ZKSCAN5: variants seen among roughly 807,000 people sequenced by gnomAD.
The protein encoded by ZKSCAN5 is zinc finger protein with KRAB and SCAN domains 5.
A neutral mutation model predicts 60.0 loss-of-function variants in ZKSCAN5; 28 were observed. The observed-to-expected ratio is 0.47, with a 90% CI of 0.35 to 0.64. The LOEUF (loss-of-function observed/expected upper bound fraction) is 0.64, where lower values mean the gene tolerates loss of function less well. ZKSCAN5 is among the 30% of genes least tolerant of loss of function. The probability of loss-of-function intolerance (pLI) is 0.01; values close to 1 mark genes in which losing one functional copy is unlikely to be tolerated. For missense variants in ZKSCAN5, 881 were observed against 1,034.6 expected, an observed-to-expected ratio of 0.85 and a Z score of 2.04; for synonymous variants, 361 against 371.2, an observed-to-expected ratio of 0.97 and a Z score of 0.31.
At chr7:99,516,878 G>A (rs772202334) in intron 3 of ZKSCAN5, among the ~76,000 whole-genome samples, 63 of 152,202 alleles carry the variant, frequency 4.1e-4, no homozygotes, top group Non-Finnish European at 6.2e-4. Flanking sequence ...GTCACCTTTC[G>A]TCATGGCACT....
At chr7:99,506,490 A>G in intron 2 of ZKSCAN5, 32 bp downstream of exon 2, 4 of 1,577,608 alleles carry the variant, frequency 2.5e-6, no homozygotes, top group African/African-American at 1.3e-5. Flanking sequence ...TGAGCAATGA[A>G]GGAGAGGAGT....
intron 5 of ZKSCAN5, 76 bp from the exon 6 acceptor site, chr7:99,525,737 T>A: frequency 2.0e-6 from 3 of 1,524,630 alleles, no homozygotes; most frequent in Non-Finnish European, 2.6e-6. Context: ...TGTCAGTTTC[T>A]CTTCATTATC....
In ZKSCAN5 at chr7:99,506,165, T is replaced by G. The variant is rs1800717242; in HGVS notation, c.121T>G (p.Tyr41Asp). The G allele has an allele frequency of 6.2e-7, 1 of 1,613,902 alleles. No homozygotes were observed. The highest frequency in any genetic ancestry group is 8.5e-7 in the Non-Finnish European group (1 of 1,180,016). Residue 41 changes from tyrosine (Y) to aspartate (D), a missense_variant, in exon 2 of 7, where the codon TAC becomes GAC. Physicochemically the swap from Tyr to Asp is radical, Grantham distance 160. Coordinates refer to ENST00000326775, the MANE Select transcript of ZKSCAN5 (RefSeq NM_145102.4). ...AGAAGACTGCACCTGGATGCAGGAG[T>G]ACAACCCGCCAACGTTTGAGACTTT... ...EEEDCTWMQE[Y>D]NPPTFETFYQ...
chr7:99,517,001 A>C (rs765878574), intron 3 of ZKSCAN5, among the ~76,000 whole-genome samples: 1 of 152,220 alleles, frequency 6.6e-6, no homozygotes, highest in Non-Finnish European at 1.5e-5. Context: ...TGTGCCACAC[A>C]TAAAATACAC....
At chr7:99,520,070 G>C in intron 4 of ZKSCAN5, 99 bp from the exon 5 acceptor site, 1 of 1,538,846 alleles carries the variant, frequency 6.5e-7, no homozygotes, top group Non-Finnish European at 8.8e-7. Flanking sequence ...TTGAGGCACA[G>C]TTCCTCCCCC....
intron 6 of ZKSCAN5, 33 bp from the exon 7 acceptor site, chr7:99,531,075 A>T: frequency 2.6e-6 from 4 of 1,528,384 alleles, no homozygotes; most frequent in Non-Finnish European, 1.8e-6. Context: ...AAAAGAACTG[A>T]TGACATTTTC....
chr7:99,507,587 G>A (rs1449621954), intron 2 of ZKSCAN5, among the ~76,000 whole-genome samples: 1 of 146,242 alleles, frequency 6.8e-6, no homozygotes, highest in Non-Finnish European at 1.5e-5. Flanking sequence ...GTATATTTAT[G>A]TGTGTGTGTA....
intron 2 of ZKSCAN5, among the ~76,000 whole-genome samples, chr7:99,506,988 G>A (rs1257005701): frequency 6.6e-6 from 1 of 151,806 alleles, no homozygotes; most frequent in East Asian, 1.9e-4. Context: ...GAGCCACCAT[G>A]CCCGGCCACT....
intron 2 of ZKSCAN5, among the ~76,000 whole-genome samples, chr7:99,507,043 A>G (rs943446017): frequency 6.6e-6 from 1 of 152,116 alleles, no homozygotes; most frequent in Non-Finnish European, 1.5e-5. Flanking sequence ...AAAGAGGTAC[A>G]TAAGGTTGTA....
chr7:99,523,375 A>G (rs1300129557), intron 5 of ZKSCAN5, among the ~76,000 whole-genome samples: 1 of 151,978 alleles, frequency 6.6e-6, no homozygotes, highest in East Asian at 1.9e-4. Flanking sequence ...TAATCTCAGC[A>G]CTTTGGGAGG....
Position 99,514,865 on chromosome 7 carries a change from C to T in ZKSCAN5, c.553+2274C>T, listed in dbSNP as rs368920681. 7.3e-5 allele frequency among the ~76,000 whole-genome samples: 11 copies of T among 150,994 alleles called. 1 individual carries two copies. The East Asian group carries it at 1.8e-3, about 24-fold the overall frequency. ...GTTGGAGGTTGCAGTGAGCTGAGAT[C>T]GCACCACTGCACTCCAGCCTGGGTG... On this transcript the variant is annotated intron_variant, in intron 3 of 6. Coordinates refer to ENST00000326775, the MANE Select transcript of ZKSCAN5 (RefSeq NM_145102.4).
At chr7:99,515,267 C>T (rs981419257) in intron 3 of ZKSCAN5, among the ~76,000 whole-genome samples, 1 of 150,956 alleles carries the variant, frequency 6.6e-6, no homozygotes, top group Non-Finnish European at 1.5e-5. Context: ...ATTATCCAGG[C>T]GTGGTGGTAC....
At position 99,531,804 on chromosome 7, in the gene ZKSCAN5, G is replaced by A. The variant is rs1285123279; in HGVS notation, c.2075G>A (p.Gly692Asp). 3 of 1,614,154 alleles carry A rather than the reference G, an allele frequency of 1.9e-6. No homozygotes were observed. Among genetic ancestry groups the A allele is most frequent in the Admixed American group, 3.3e-5 (2 of 60,010 alleles). ...ATGGGTCAGAAAAATGAAAAAAATG[G>A]CATCTGTGAGGAAGCATATAGTTGG... ...LHMGQKNEKN[G>D]ICEEAYSWNL... Residue 692 changes from glycine to aspartate, a missense_variant, in exon 7 of 7, where the codon GGC (glycine) becomes GAC (aspartate). This residue lies in a region of ZKSCAN5 where 112 missense variants were observed against 182.4 expected (regional missense o/e 0.61). Transcript: ENST00000326775.
At position 99,531,282 on chromosome 7, in the gene ZKSCAN5, T is replaced by C. The variant is rs774145245; in HGVS notation, c.1553T>C (p.Met518Thr). ...CTGGATAGAAAGCAGGGAATTCCCA[T>C]GAAAGAGATACTAGGACAACCATCT... ...GKLDRKQGIPMKEILGQPSSK... is the reference protein window; with the variant it reads ...GKLDRKQGIPTKEILGQPSSK... The change falls in exon 7 of 7, where the codon ATG becomes ACG. Residue 518 changes from methionine (M) to threonine (T), a missense_variant. Transcript: ENST00000326775. 2 of 1,614,078 alleles carry C rather than the reference T, an allele frequency of 1.2e-6. No homozygotes were observed. The highest frequency in any genetic ancestry group is 3.3e-5 in the Admixed American group (2 of 60,002).
chr7:99,513,218 C>T (rs187650196), intron 3 of ZKSCAN5, among the ~76,000 whole-genome samples: 1 of 152,048 alleles, frequency 6.6e-6, no homozygotes, highest in Non-Finnish European at 1.5e-5. Flanking sequence ...TTAATCCAGT[C>T]TATCATTGTT....
chr7:99,526,032 T>C lies in ZKSCAN5; in HGVS notation c.992T>C (p.Ile331Thr). Reference sequence around the variant, plus strand: ...TCCCAGAAAAGGGATCTGGATGCAATCACAGACATCAGCCCTAAGCAAAGC... The same window carrying C: ...TCCCAGAAAAGGGATCTGGATGCAACCACAGACATCAGCCCTAAGCAAAGC... ...NPSQKRDLDA[I>T]TDISPKQSTH... The change falls in exon 6 of 7, where the codon ATC (isoleucine) becomes ACC (threonine). Residue 331 changes from isoleucine (I) to threonine (T), a missense_variant. By Grantham distance (89) the Ile-to-Thr change is moderately conservative (BLOSUM62 -1). Around this residue, in one of 5 missense-constraint regions of ZKSCAN5, gnomAD observed 490 missense variants for 554.5 expected, o/e 0.88. Coordinates refer to ENST00000326775, the MANE Select transcript of ZKSCAN5 (RefSeq NM_145102.4). The C allele has an allele frequency of 6.2e-7, 1 of 1,614,078 alleles. No homozygotes were observed. The highest frequency in any genetic ancestry group is 8.5e-7 in the Non-Finnish European group (1 of 1,180,034).
rs182996761 is a variant in ZKSCAN5 at position 99,512,666 on chromosome 7, C to T, written c.553+75C>T. On this transcript the variant is annotated intron_variant, in intron 3 of 6. Transcript: ENST00000326775. ...TTGGCCATGTGGCAGGCACTATCTG[C>T]GGGAGAGAGACTCTAGGCTGAGCAG... 361 of 1,532,254 alleles carry T rather than the reference C, an allele frequency of 2.4e-4. 1 individual carries two copies. The East Asian group carries it at 6.6e-3, about 28-fold the overall frequency. The allele number at this position is 1,532,254 out of a possible 1,614,324, so 94.9% of individuals were successfully genotyped here. A position where few individuals can be genotyped will look rare whatever the true frequency, so the allele number is the denominator to read the frequency against.
rs1802026697 is a variant in ZKSCAN5, at chr7:99,531,217, A to G, written c.1488A>G (p.Gln496=). The change falls in exon 7 of 7, where the codon CAA becomes CAG. Residue 496 remains glutamine, a synonymous_variant. Transcript: ENST00000326775. ...LSGKTQRNVS[Q]VQDFGEGCEF... ...GAAAAACCCAAAGAAATGTTTCTCA[A>G]GTTCAAGATTTTGGAGAAGGCTGTG... is the stretch of plus-strand genomic sequence containing the variant. The G allele has an allele frequency of 1.2e-6, 2 of 1,614,210 alleles. No individual in the cohort carries two copies. The highest frequency in any genetic ancestry group is 1.3e-5 in the African/African-American group (1 of 75,062).
Position 99,519,827 on chromosome 7 carries a change from C to T in ZKSCAN5, c.554C>T (p.Ala185Val). 6.2e-7 allele frequency: 1 copy of T among 1,613,774 alleles called. No individual in the cohort carries two copies. Among genetic ancestry groups the T allele is most frequent in the Non-Finnish European group, 8.5e-7 (1 of 1,179,914 alleles). Residue 185 changes from alanine (A) to valine (V), a missense_variant and splice_region_variant, in exon 4 of 7, where the codon GCC (alanine) becomes GTC (valine). By Grantham distance (64) the Ala-to-Val change is moderately conservative. Around this residue, in one of 5 missense-constraint regions of ZKSCAN5, gnomAD observed 490 missense variants for 554.5 expected, o/e 0.88. Transcript: ENST00000326775. ...TAAACCTCTTTTTCTCCTCCCTTAG[C>T]CCTTCCTGTTCTCCAAGTTCCTTCC... ...PQKPRLLEEN[A>V]LPVLQVPSLP...
Sources: allele counts gnomAD v4.1 joint callset (sites outside exome capture counted in the v4.1 genomes callset), GRCh38; gene constraint gnomAD v4.1.1; regional missense constraint gnomAD v4.1.1; transcripts MANE v1.5; gene names NCBI Gene and HGNC (gene_info 2026-07-23, HGNC 2026-07-21).